ARFGEF2: variants seen among roughly 807,000 people sequenced by gnomAD.
The protein encoded by ARFGEF2 is brefeldin A-inhibited guanine nucleotide-exchange protein 2.
In ARFGEF2, 74 loss-of-function variants were observed where a neutral mutation model predicts 219.9. That is an observed-to-expected ratio of 0.34 (90% confidence interval 0.28 to 0.41). ARFGEF2 has a LOEUF of 0.41. Among genes scored for constraint, ARFGEF2 ranks in the 10% least tolerant of loss-of-function variants. ARFGEF2 has a pLI of 1.00. For synonymous variants in ARFGEF2, 733 were observed against 799.2 expected, an observed-to-expected ratio of 0.92 and a Z score of 1.40; for missense variants, 1,743 against 2,218.3, an observed-to-expected ratio of 0.79 and a Z score of 4.30.
At chr20:48,929,040 A>AGAACAT (rs2090897135) in intron 1 of ARFGEF2, among the ~76,000 whole-genome samples, 1 of 152,254 alleles carries the variant, frequency 6.6e-6, no homozygotes, top group African/African-American at 2.4e-5. Flanking sequence ...TTAATCAGCA[A>AGAACAT]GAACATGGAG....
At position 48,961,428 on chromosome 20, in the gene ARFGEF2, G is replaced by A. The variant is rs75757056; in HGVS notation, c.839-2402G>A. ...ACCTCCACATCTTGTCCCTTGGAAG[G>A]TCTTCAGGGGCAATAACACACATGA... On this transcript the variant is annotated intron_variant, in intron 6 of 38. Coordinates refer to ENST00000371917, the MANE Select transcript of ARFGEF2 (RefSeq NM_006420.3). 7.6e-3 allele frequency among the ~76,000 whole-genome samples: 1,162 copies of A among 152,170 alleles called. 16 individuals carry two copies. The highest frequency in any genetic ancestry group is 0.027 in the African/African-American group (1,108 of 41,510).
intron 17 of ARFGEF2, 50 bp downstream of exon 17, chr20:48,988,438 T>C: frequency 6.2e-7 from 1 of 1,611,312 alleles, no homozygotes; most frequent in Non-Finnish European, 8.5e-7. Context: ...TAAGTGGCTT[T>C]ACTTGGGCAA....
chr20:48,925,959 T>C (rs1258316911), intron 1 of ARFGEF2, among the ~76,000 whole-genome samples: 3 of 152,252 alleles, frequency 2.0e-5, no homozygotes, highest in African/African-American at 7.2e-5. Context: ...GAATGACTTT[T>C]AAAGATCACA....
intron 1 of ARFGEF2, among the ~76,000 whole-genome samples, chr20:48,940,957 T>C (rs1019732045): frequency 5.9e-5 from 9 of 152,190 alleles, no homozygotes; most frequent in Non-Finnish European, 2.9e-5. Flanking sequence ...ATGGACCTCA[T>C]AGGATCGTTG....
intron 20 of ARFGEF2, 60 bp from the exon 21 acceptor site, chr20:48,990,980 T>C: frequency 6.4e-7 from 1 of 1,574,172 alleles, no homozygotes; most frequent in East Asian, 2.3e-5. Context: ...GCCCTGCAGA[T>C]GTGAGAATGG....
At chr20:49,022,324 G>T (rs2091570242) in intron 34 of ARFGEF2, among the ~76,000 whole-genome samples, 1 of 151,968 alleles carries the variant, frequency 6.6e-6, no homozygotes, top group South Asian at 2.1e-4. Flanking sequence ...CACTTTGGGA[G>T]GCCGAGGCAG....
At chr20:49,010,995 G>A (rs970670043) in intron 27 of ARFGEF2, among the ~76,000 whole-genome samples, 3 of 152,108 alleles carry the variant, frequency 2.0e-5, no homozygotes, top group East Asian at 1.9e-4. Flanking sequence ...TTACATTTTC[G>A]TGCTTTTTGT....
chr20:49,002,618 T>A (rs2091431823), intron 25 of ARFGEF2, among the ~76,000 whole-genome samples: 1 of 152,196 alleles, frequency 6.6e-6, no homozygotes, highest in Non-Finnish European at 1.5e-5. Flanking sequence ...ATTATTTATT[T>A]ATTTATTTTT....
At chr20:48,985,358 A>C (rs1295631078) in intron 15 of ARFGEF2, 50 bp from the exon 16 acceptor site, 3 of 1,598,212 alleles carry the variant, frequency 1.9e-6, no homozygotes, top group South Asian at 2.2e-5. Context: ...GCTTTTGCTG[A>C]GGGTTCGTAT....
chr20:49,004,603 C>T (rs2091446075), intron 25 of ARFGEF2, among the ~76,000 whole-genome samples: 1 of 151,778 alleles, frequency 6.6e-6, no homozygotes, highest in Admixed American at 6.6e-5. Flanking sequence ...GAGTTCGAGA[C>T]CAGCTTGGCC....
At chr20:48,986,351 G>A (rs1186128571) in intron 16 of ARFGEF2, among the ~76,000 whole-genome samples, 1 of 152,122 alleles carries the variant, frequency 6.6e-6, no homozygotes, top group Non-Finnish European at 1.5e-5. Context: ...TGTTCGGGCT[G>A]GATGCAGTAG....
At chr20:48,933,560 C>T (rs2123287025) in intron 1 of ARFGEF2, among the ~76,000 whole-genome samples, 1 of 152,306 alleles carries the variant, frequency 6.6e-6, no homozygotes, top group South Asian at 2.1e-4. Flanking sequence ...GGGTTCCACT[C>T]ATTCTCCTTT....
At chr20:48,984,093 T>TTAAC (rs1336724278) in intron 14 of ARFGEF2, among the ~76,000 whole-genome samples, 1 of 151,972 alleles carries the variant, frequency 6.6e-6, no homozygotes, top group Non-Finnish European at 1.5e-5. Context: ...AATAACATGC[T>TTAAC]TAACTATGTA....
At position 49,035,461 on chromosome 20, in the gene ARFGEF2, T is replaced by G. The variant is rs182535156; in HGVS notation, c.*2262T>G. 3 of 152,368 alleles carry G rather than the reference T, an allele frequency of 2.0e-5. No homozygotes were observed. Among genetic ancestry groups the G allele is most frequent in the Admixed American group, 6.5e-5 (1 of 15,298 alleles). The allele number at this position is 152,368 out of a possible 1,614,324, so 9.4% of individuals were successfully genotyped here. ...TAAAACCATTCAGGGTGATTTTTCTTGTCAGTGGACAGTGACGAACAGAGA... is the reference window on the plus strand; with the variant it reads ...TAAAACCATTCAGGGTGATTTTTCTGGTCAGTGGACAGTGACGAACAGAGA... On this transcript the variant is annotated 3_prime_UTR_variant, in exon 39 of 39. Coordinates refer to ENST00000371917, the MANE Select transcript of ARFGEF2 (RefSeq NM_006420.3).
intron 15 of ARFGEF2, 38 bp downstream of exon 15, chr20:48,984,878 G>C (rs2091317669): frequency 6.2e-7 from 1 of 1,611,968 alleles, no homozygotes; most frequent in East Asian, 2.2e-5. Flanking sequence ...TGTGAGTTCT[G>C]TCAGGTGATT....
Position 48,945,319 on chromosome 20 carries a change from T to A in ARFGEF2, c.276+3332T>A, listed in dbSNP as rs576356767. ...TGCTACTGTGACCTAGCGGAGTAGC[T>A]GTAAAGGAGACCAAATGACCCGCAG... On this transcript the variant is annotated intron_variant, in intron 3 of 38. Coordinates refer to ENST00000371917, the MANE Select transcript of ARFGEF2 (RefSeq NM_006420.3). Among the ~76,000 whole-genome samples the A allele has an allele frequency of 5.9e-5, 9 of 152,324 alleles. No individual in the cohort carries two copies. In the East Asian group the frequency reaches 1.7e-3, roughly 29 times the overall value.
Position 49,018,942 on chromosome 20 carries a change from G to T in ARFGEF2, c.4568G>T (p.Gly1523Val). ...ATAGATAAAAATCCCTCTGAGAGGG[G>T]ACAGAGCCAGCTCTCTAACCCAACA... The part of the protein sequence containing the change: ...SSIDKNPSER[G>V]QSQLSNPTDD... Residue 1523 changes from glycine (G) to valine (V), a missense_variant, in exon 34 of 39, where the codon GGA becomes GTA. Around this residue, in one of 5 missense-constraint regions of ARFGEF2, gnomAD observed 578 missense variants for 664.0 expected, o/e 0.87. Transcript: ENST00000371917. 1 of 1,614,078 alleles carries T rather than the reference G, an allele frequency of 6.2e-7. No individual in the cohort carries two copies. The highest frequency in any genetic ancestry group is 8.5e-7 in the Non-Finnish European group (1 of 1,179,966).
At chr20:48,961,648 G>C (rs1191116429) in intron 6 of ARFGEF2, among the ~76,000 whole-genome samples, 1 of 152,114 alleles carries the variant, frequency 6.6e-6, no homozygotes. Flanking sequence ...CAGATCACTT[G>C]AGGTCAGGAG....
intron 1 of ARFGEF2, among the ~76,000 whole-genome samples, chr20:48,940,382 T>C (rs912818408): frequency 3.9e-5 from 6 of 152,258 alleles, no homozygotes; most frequent in Non-Finnish European, 8.8e-5. Flanking sequence ...AAAGTATGTA[T>C]GCTTATCATA....
Sources: gnomAD v4.1 joint callset for allele counts (sites outside exome capture counted in the v4.1 genomes callset) on GRCh38, gnomAD v4.1.1 for gene constraint, gnomAD v4.1.1 regional missense constraint, MANE v1.5 for transcripts, NCBI Gene and HGNC (gene_info 2026-07-23, HGNC 2026-07-21) for gene names.